Variants in USP16 observed in about 807,000 individuals in gnomAD.
USP16 encodes the protein ubiquitin carboxyl-terminal hydrolase 16.
USP16 carries 77 observed loss-of-function variants against 95.9 expected under a neutral mutation model. The ratio of observed to expected loss-of-function variants is 0.80; its 90% CI spans 0.67 to 0.97. USP16 has a LOEUF of 0.97. Ranked by LOEUF, USP16 falls within the 50% of genes least tolerant of loss-of-function variation. USP16 has a pLI of 0.00. For missense variants in USP16, 943 were observed against 959.9 expected (o/e 0.98, Z 0.23); for synonymous variants, 303 against 318.2 (o/e 0.95, Z 0.51).
chr21:29,051,009 G>A (rs2085405217), intron 16 of USP16, among the ~76,000 whole-genome samples: 1 of 152,158 alleles, frequency 6.6e-6, no homozygotes, highest in South Asian at 2.1e-4. Context: ...CAGGAGATGG[G>A]GAGATAGAAG....
chr21:29,053,559 G>C (rs560171489), intron 16 of USP16: 1 of 400,234 alleles, frequency 2.5e-6, no homozygotes, highest in East Asian at 4.0e-5. Context: ...TCTGAGCCAG[G>C]TAACTGCATC....
At chr21:29,040,379 G>T (rs552536753) in intron 9 of USP16, among the ~76,000 whole-genome samples, 33 of 152,250 alleles carry the variant, frequency 2.2e-4, no homozygotes, top group African/African-American at 7.0e-4. Context: ...GCTTGAAGAG[G>T]TTTAAGATCT....
intron 10 of USP16, 31 bp downstream of exon 10, chr21:29,040,718 A>G (rs749576083): frequency 1.1e-5 from 14 of 1,235,970 alleles, no homozygotes; most frequent in Admixed American, 8.1e-5. Flanking sequence ...CTAAAACACT[A>G]TAGTTGAATT....
At chr21:29,053,991 A>T in intron 17 of USP16, 33 bp downstream of exon 17, 2 of 1,613,174 alleles carry the variant, frequency 1.2e-6, no homozygotes, top group Non-Finnish European at 8.5e-7. Flanking sequence ...GGCACTCAGC[A>T]GATTACGGCA....
Position 29,041,565 on chromosome 21 carries a change from C to T in USP16, c.1031-448C>T, listed in dbSNP as rs79964727. ...GAGTTCAGTCTTAGAGTTCACAAAACAAGTTACATGCATTTTCTCTCCCAG... is the reference window on the plus strand; with the variant it reads ...GAGTTCAGTCTTAGAGTTCACAAAATAAGTTACATGCATTTTCTCTCCCAG... On this transcript the variant is annotated intron_variant, in intron 10 of 17. Transcript: ENST00000399976. Among the ~76,000 whole-genome samples the T allele has an allele frequency of 3.7e-3, 558 of 152,220 alleles. 4 individuals are homozygous for T. Among genetic ancestry groups the T allele is most frequent in the African/African-American group, 0.012 (513 of 41,540 alleles).
Position 29,046,867 on chromosome 21 carries a change from A to AAAAATGATCGAAAGTGT in USP16, c.1560_1576dup (p.Thr526LysfsTer2). On this transcript the variant is annotated frameshift_variant, in exon 14 of 18. Transcript: ENST00000399976. LOFTEE classifies it high-confidence loss of function. ...ACCAGAAAGATTTGAATGGCCAAGC[A>AAAAATGATCGAAAGTGT]AAAATGATCGAAAGTGTAACTGACA... 1 of 1,614,180 alleles carries AAAAATGATCGAAAGTGT rather than the reference A, an allele frequency of 6.2e-7. No homozygotes were observed. Among genetic ancestry groups the AAAAATGATCGAAAGTGT allele is most frequent in the Non-Finnish European group, 8.5e-7 (1 of 1,180,028 alleles).
chr21:29,024,983 G>A, intron 1 of USP16: 1 of 446,152 alleles, frequency 2.2e-6, no homozygotes, highest in Non-Finnish European at 3.6e-6. Context: ...GCTGCTGGCG[G>A]CCTTCTCGAC....
intron 4 of USP16, among the ~76,000 whole-genome samples, chr21:29,035,760 CAAA>C (rs890459265): frequency 1.3e-5 from 2 of 149,412 alleles, no homozygotes; most frequent in Non-Finnish European, 3.0e-5. Context: ...ACTAAAAATA[CAAA>C]AAAAAAGTAG....
At chr21:29,037,944 G>C (rs2085186708) in intron 6 of USP16, among the ~76,000 whole-genome samples, 1 of 152,178 alleles carries the variant, frequency 6.6e-6, no homozygotes, top group Non-Finnish European at 1.5e-5. Context: ...TGAGCACTCG[G>C]GTGCAGTGGG....
At chr21:29,030,287 T>C (rs1277106323) in intron 2 of USP16, among the ~76,000 whole-genome samples, 1 of 152,092 alleles carries the variant, frequency 6.6e-6, no homozygotes, top group Non-Finnish European at 1.5e-5. Flanking sequence ...AAGAGAATCA[T>C]AAGTATGATA....
intron 16 of USP16, chr21:29,052,253 T>C (rs889723529): frequency 7.9e-5 from 12 of 152,214 alleles, no homozygotes; most frequent in African/African-American, 2.7e-4. Flanking sequence ...ATGGGAATTA[T>C]ATTATGTCAG....
At position 29,034,284 on chromosome 21, in the gene USP16, C is replaced by CTT. The variant is rs1160836222; in HGVS notation, c.241-551_241-550dup. Reference sequence around the variant, plus strand: ...GCTGGAAAGTTGGACAAGAAGAGTACTTTGAGTGCATGGTTTTCTTTTTTT... The same window carrying CTT: ...GCTGGAAAGTTGGACAAGAAGAGTACTTTTTGAGTGCATGGTTTTCTTTTTTT... On this transcript the variant is annotated intron_variant, in intron 3 of 17. Coordinates refer to ENST00000399976, the MANE Select transcript of USP16 (RefSeq NM_006447.3). Among the ~76,000 whole-genome samples the CTT allele has an allele frequency of 2.0e-5, 3 of 150,354 alleles. No homozygotes were observed. In the South Asian group the frequency reaches 6.3e-4, roughly 32 times the overall value.
chr21:29,037,335 A>C lies in USP16; in HGVS notation c.508A>C (p.Asn170His). The C allele has an allele frequency of 6.3e-7, 1 of 1,588,394 alleles. No homozygotes were observed. The highest frequency in any genetic ancestry group is 8.6e-7 in the Non-Finnish European group (1 of 1,164,088). The change falls in exon 6 of 18, where the codon AAT (asparagine) becomes CAT (histidine). Residue 170 changes from asparagine to histidine, a missense_variant. Physicochemically the swap from Asn to His is moderately conservative, Grantham distance 68. Coordinates refer to ENST00000399976, the MANE Select transcript of USP16 (RefSeq NM_006447.3). ...TAAAAAATTAGAAAAAGAGAGTAAG[A>C]ATGAACAAGAGAGAGAAAAGAAGGA... ...ENKKLEKESK[N>H]EQEREKKENM...
At chr21:29,049,443 G>A (rs1442189910) in intron 15 of USP16, among the ~76,000 whole-genome samples, 6 of 152,194 alleles carry the variant, frequency 3.9e-5, no homozygotes, top group Non-Finnish European at 5.9e-5. Context: ...GGCTGAGAGC[G>A]TGTGTTTCAC....
intron 14 of USP16, among the ~76,000 whole-genome samples, chr21:29,047,745 A>G (rs942432596): frequency 6.6e-6 from 1 of 151,856 alleles, no homozygotes; most frequent in African/African-American, 2.4e-5. Context: ...AGAAAGGATC[A>G]TACTGACAAT....
chr21:29,047,474 T>G (rs2085344703), intron 14 of USP16, among the ~76,000 whole-genome samples, 153 bp downstream of exon 14: 1 of 152,178 alleles, frequency 6.6e-6, no homozygotes, highest in Non-Finnish European at 1.5e-5. Context: ...AAAGTAGGAC[T>G]TTATTGAAGT....
chr21:29,024,885 CTT>C (rs1486876900), intron 1 of USP16, 108 bp downstream of exon 1: 2 of 1,112,778 alleles, frequency 1.8e-6, no homozygotes, highest in Non-Finnish European at 2.3e-6. Context: ...GGCCGCTCTC[CTT>C]AAGCACGTAA....
intron 13 of USP16, among the ~76,000 whole-genome samples, chr21:29,046,071 T>C (rs768851173): frequency 2.6e-5 from 4 of 152,144 alleles, no homozygotes; most frequent in Non-Finnish European, 4.4e-5. Context: ...TGAGATGCCC[T>C]CCTTGGCCTC....
chr21:29,050,276 C>A, intron 16 of USP16, 98 bp downstream of exon 16: 1 of 1,006,458 alleles, frequency 9.9e-7, no homozygotes, highest in Non-Finnish European at 1.5e-6. Context: ...AAGTTGATAA[C>A]ACTTATTGAG....
Sources: allele counts gnomAD v4.1 joint callset (sites outside exome capture counted in the v4.1 genomes callset), GRCh38; gene constraint gnomAD v4.1.1; transcripts MANE v1.5; gene names NCBI Gene and HGNC (gene_info 2026-07-23, HGNC 2026-07-21).